ROBO2: variants seen among roughly 807,000 people sequenced by gnomAD.
ROBO2 encodes the protein roundabout homolog 2.
Under a neutral mutation model 160.8 loss-of-function variants are expected in ROBO2, and 53 were observed. The observed-to-expected ratio is 0.33, with a 90% confidence interval of 0.26 to 0.41. ROBO2 has a LOEUF of 0.41. Among genes scored for constraint, ROBO2 ranks in the 10% least tolerant of loss-of-function variants. ROBO2 has a pLI of 1.00. For synonymous variants in ROBO2, 664 were observed against 611.7 expected, an observed-to-expected ratio of 1.09 and a Z score of -1.26; for missense variants, 1,577 against 1,722.4, an observed-to-expected ratio of 0.92 and a Z score of 1.49.
intron 2 of ROBO2, among the ~76,000 whole-genome samples, chr3:77,352,254 A>C (rs2068459372): frequency 6.6e-6 from 1 of 152,064 alleles, no homozygotes; most frequent in Non-Finnish European, 1.5e-5. Context: ...ATAAAAATAA[A>C]AAAAGGCCTA....
chr3:76,045,193 A>G (rs1325208264), intron 2 of ROBO2, among the ~76,000 whole-genome samples: 2 of 152,074 alleles, frequency 1.3e-5, no homozygotes, highest in Non-Finnish European at 1.5e-5. Flanking sequence ...GCACAGTGCC[A>G]TGTTACATGA....
At chr3:77,230,929 G>A (rs904792013) in intron 2 of ROBO2, among the ~76,000 whole-genome samples, 1 of 152,094 alleles carries the variant, frequency 6.6e-6, no homozygotes, top group African/African-American at 2.4e-5. Flanking sequence ...TTTTTAGCAA[G>A]TTTCTAAGAT....
chr3:76,430,249 G>A (rs533737834), intron 2 of ROBO2, among the ~76,000 whole-genome samples: 8 of 151,930 alleles, frequency 5.3e-5, no homozygotes, highest in African/African-American at 1.4e-4. Context: ...TTATAATGCC[G>A]CTTCCCTGAA....
intron 2 of ROBO2, among the ~76,000 whole-genome samples, chr3:76,087,913 AC>A (rs1334339623): frequency 6.6e-6 from 1 of 152,096 alleles, no homozygotes; most frequent in African/African-American, 2.4e-5. Context: ...TGATATTAAC[AC>A]ACTAAAGACA....
intron 2 of ROBO2, among the ~76,000 whole-genome samples, chr3:77,159,214 A>C (rs1361003312): frequency 6.6e-6 from 1 of 152,054 alleles, no homozygotes; most frequent in African/African-American, 2.4e-5. Flanking sequence ...TGCAGCTAAC[A>C]TTGTTCTCAT....
At chr3:77,288,656 C>A (rs1179086568) in intron 2 of ROBO2, among the ~76,000 whole-genome samples, 2 of 151,932 alleles carry the variant, frequency 1.3e-5, no homozygotes, top group African/African-American at 2.4e-5. Context: ...CAAAACACAC[C>A]CAAACAAAAA....
chr3:76,339,192 A>G (rs964547558), intron 2 of ROBO2, among the ~76,000 whole-genome samples: 2 of 152,262 alleles, frequency 1.3e-5, no homozygotes, highest in South Asian at 2.1e-4. Context: ...TCTGAATGGC[A>G]TATTTTCAAA....
At chr3:76,021,907 T>C (rs2066586244) in intron 2 of ROBO2, among the ~76,000 whole-genome samples, 1 of 149,806 alleles carries the variant, frequency 6.7e-6, no homozygotes, top group African/African-American at 2.5e-5. Context: ...TTTCCTTTCG[T>C]GAAAGATTTT....
chr3:77,406,625 AT>A (rs996202802), intron 2 of ROBO2, among the ~76,000 whole-genome samples: 54 of 151,944 alleles, frequency 3.6e-4, no homozygotes, highest in South Asian at 4.1e-4. Flanking sequence ...TCCTTGTTTT[AT>A]TTTTTTTCCC....
At chr3:77,344,238 CA>C (rs2067377865) in intron 2 of ROBO2, among the ~76,000 whole-genome samples, 2 of 152,128 alleles carry the variant, frequency 1.3e-5, no homozygotes, top group Non-Finnish European at 2.9e-5. Flanking sequence ...GTATACAGAA[CA>C]GCTTCTTTCA....
chr3:76,855,916 T>A (rs2070015843), intron 2 of ROBO2, among the ~76,000 whole-genome samples: 1 of 152,140 alleles, frequency 6.6e-6, no homozygotes, highest in Non-Finnish European at 1.5e-5. Flanking sequence ...TTGAAAGCAG[T>A]ATATCTTTGT....
chr3:76,746,810 T>A lies in ROBO2; in HGVS notation c.110-351204T>A, dbSNP rs55844412. Among the ~76,000 whole-genome samples the A allele has an allele frequency of 7.8e-4, 118 of 152,186 alleles. 1 individual carries two copies. Among genetic ancestry groups the A allele is most frequent in the African/African-American group, 2.6e-3 (109 of 41,558 alleles). On this transcript the variant is annotated intron_variant, in intron 2 of 26. Coordinates refer to the ROBO2 transcript ENST00000487694. Reference sequence around the variant, plus strand: ...TTCCTAATGCTTTCGCTCCCACCACTCCATCCTCTGACAAGCCCCAGTGTT... The same window carrying A: ...TTCCTAATGCTTTCGCTCCCACCACACCATCCTCTGACAAGCCCCAGTGTT...
In ROBO2 at chr3:76,346,487, T is replaced by A. The variant is rs2074539664; in HGVS notation, c.109+408885T>A. On this transcript the variant is annotated intron_variant, in intron 2 of 26. Coordinates refer to the ROBO2 transcript ENST00000487694. ...TGACTTTTAAATTACTTTCTGGTTT[T>A]GGTTCCATTAAATATTACTCTTTTG... Among the ~76,000 whole-genome samples, 2 of 152,150 alleles carry A rather than the reference T, an allele frequency of 1.3e-5. 1 individual carries two copies. Among genetic ancestry groups the A allele is most frequent in the Admixed American group, 1.3e-4 (2 of 15,266 alleles).
chr3:77,431,985 G>T (rs2078819972), intron 2 of ROBO2, among the ~76,000 whole-genome samples: 1 of 152,138 alleles, frequency 6.6e-6, no homozygotes, highest in Non-Finnish European at 1.5e-5. Flanking sequence ...CTAAAGATTT[G>T]TGACTTAGGT....
rs1484474580 is a variant in ROBO2, at chr3:76,841,899, G to A, written c.110-256115G>A. 3.3e-5 allele frequency among the ~76,000 whole-genome samples: 5 copies of A among 152,288 alleles called. No homozygotes were observed. The South Asian group carries it at 6.2e-4, about 19-fold the overall frequency. On this transcript the variant is annotated intron_variant, in intron 2 of 26. Transcript: ENST00000487694. ...GCTGATGCCGATCAGACTCCAAGGC[G>A]CAGTATGTACCAGCTGAAGTCTGTC...
At chr3:77,187,118 C>T (rs999331808) in intron 2 of ROBO2, among the ~76,000 whole-genome samples, 5 of 151,820 alleles carry the variant, frequency 3.3e-5, no homozygotes, top group African/African-American at 1.2e-4. Flanking sequence ...TTGTAAAAAG[C>T]TAAAACAGGA....
intron 1 of ROBO2, among the ~76,000 whole-genome samples, chr3:77,097,808 TTTGAG>T (rs1290734414): frequency 6.6e-6 from 1 of 152,122 alleles, no homozygotes; most frequent in Non-Finnish European, 1.5e-5. Context: ...ACCTAACTCC[TTTGAG>T]TTAACATATT....
chr3:76,290,032 C>T (rs1296909236), intron 2 of ROBO2, among the ~76,000 whole-genome samples: 1 of 151,964 alleles, frequency 6.6e-6, no homozygotes, highest in Non-Finnish European at 1.5e-5. Flanking sequence ...TCTATAAAAA[C>T]TGTCATTCAT....
chr3:77,126,886 T>C (rs893793242), intron 2 of ROBO2, among the ~76,000 whole-genome samples: 5 of 149,244 alleles, frequency 3.4e-5, no homozygotes, highest in African/African-American at 1.2e-4. Context: ...CCTCCCGGGT[T>C]CACGCCATTC....
Sources: gnomAD v4.1 joint callset for allele counts (sites outside exome capture counted in the v4.1 genomes callset) on GRCh38, gnomAD v4.1.1 for gene constraint, MANE v1.5 for transcripts, NCBI Gene and HGNC (gene_info 2026-07-23, HGNC 2026-07-21) for gene names.